Variants in USP24 observed in about 807,000 individuals in gnomAD.
The protein encoded by USP24 is ubiquitin carboxyl-terminal hydrolase 24.
In USP24, 97 loss-of-function variants were observed where a neutral mutation model predicts 361.6. The observed-to-expected ratio is 0.27, with a 90% CI of 0.23 to 0.32. The LOEUF (loss-of-function observed/expected upper bound fraction) is 0.32, where lower values mean the gene tolerates loss of function less well. Among genes scored for constraint, USP24 ranks in the 10% least tolerant of loss-of-function variants. The pLI is 1.00. For synonymous variants in USP24, 1,098 were observed against 1,124.6 expected (o/e 0.98, Z 0.47); for missense variants, 2,353 against 3,165.6 (o/e 0.74, Z 6.16).
chr1:55,168,178 CA>C (rs1649076046), intron 5 of USP24, among the ~76,000 whole-genome samples: 1 of 152,122 alleles, frequency 6.6e-6, no homozygotes, highest in African/African-American at 2.4e-5. Flanking sequence ...AAGAAGGGAG[CA>C]ACTGGGGTCA....
At chr1:55,161,227 C>T (rs1322339014) in intron 8 of USP24, among the ~76,000 whole-genome samples, 1 of 151,728 alleles carries the variant, frequency 6.6e-6, no homozygotes, top group Non-Finnish European at 1.5e-5. Flanking sequence ...CAAAAATTAG[C>T]CGGGCATGGT....
intron 1 of USP24, among the ~76,000 whole-genome samples, chr1:55,211,385 T>C (rs1226529542): frequency 6.6e-6 from 1 of 152,162 alleles, no homozygotes; most frequent in Admixed American, 6.5e-5. Context: ...CATCCAACAA[T>C]ACTAGTGAGA....
In USP24 at chr1:55,101,645, C is replaced by T; in HGVS notation, c.5084G>A (p.Gly1695Asp). The change falls in exon 43 of 68, where the codon GGT becomes GAT. Residue 1695 changes from glycine to aspartate, a missense_variant. By Grantham distance (94) the Gly-to-Asp change is moderately conservative. Coordinates refer to ENST00000294383, the MANE Select transcript of USP24 (RefSeq NM_015306.3). Reference sequence around the variant, plus strand: ...GACTGCATTCATATAACAAGTTGCACCACCATTTCTCAGCCCCACAAACCC... The same window carrying T: ...GACTGCATTCATATAACAAGTTGCATCACCATTTCTCAGCCCCACAAACCC... Reference protein sequence around the residue: ...SSGFVGLRNGGATCYMNAVFQ... With the variant: ...SSGFVGLRNGDATCYMNAVFQ... The T allele has an allele frequency of 6.2e-7, 1 of 1,613,380 alleles. No homozygotes were observed. The highest frequency in any genetic ancestry group is 8.5e-7 in the Non-Finnish European group (1 of 1,179,688).
chr1:55,195,558 T>C (rs1430814956), intron 1 of USP24, among the ~76,000 whole-genome samples: 2 of 152,192 alleles, frequency 1.3e-5, no homozygotes, highest in Non-Finnish European at 1.5e-5. Context: ...CAATTTCTTG[T>C]TAGGAGTGTT....
intron 19 of USP24, 142 bp downstream of exon 19, chr1:55,146,787 A>AT: frequency 3.4e-6 from 3 of 893,084 alleles, no homozygotes; most frequent in Non-Finnish European, 1.6e-6. Flanking sequence ...TATATAAAAC[A>AT]TTTTTTCAGC....
At position 55,214,986 on chromosome 1, in the gene USP24, T is replaced by C. The variant is rs755458665; in HGVS notation, c.128A>G (p.Asn43Ser). 1.3e-5 allele frequency: 19 copies of C among 1,437,510 alleles called. No individual in the cohort carries two copies. Among genetic ancestry groups the C allele is most frequent in the Non-Finnish European group, 1.6e-5 (18 of 1,091,126 alleles). 89.0% of individuals were successfully genotyped at this position (1,437,510 alleles called of 1,614,324 possible). A position where few individuals can be genotyped will look rare whatever the true frequency, so the allele number is the denominator to read the frequency against. ...DINEAVALLT[N>S]ERPGLDYGGY... is the part of the protein sequence containing the mutation. ...GCCGTAGTCGAGGCCCGGCCGCTCGTTGGTGAGCAGTGCCACGGCCTCGTT... is the reference window on the plus strand; with the variant it reads ...GCCGTAGTCGAGGCCCGGCCGCTCGCTGGTGAGCAGTGCCACGGCCTCGTT... The change falls in exon 1 of 68, where the codon AAC (asparagine) becomes AGC (serine). Residue 43 changes from asparagine to serine, a missense_variant. Physicochemically the swap from Asn to Ser is conservative, Grantham distance 46. Coordinates refer to ENST00000294383, the MANE Select transcript of USP24 (RefSeq NM_015306.3).
chr1:55,200,573 G>A (rs1644543793), intron 1 of USP24, among the ~76,000 whole-genome samples: 1 of 152,150 alleles, frequency 6.6e-6, no homozygotes, highest in Non-Finnish European at 1.5e-5. Context: ...AAAATAAAGT[G>A]TCTCAATAGC....
intron 28 of USP24, among the ~76,000 whole-genome samples, chr1:55,135,694 A>G (rs116769833): frequency 0.012 from 1,858 of 152,320 alleles, 33 homozygotes; most frequent in African/African-American, 0.042. Context: ...AAAAAGATGC[A>G]GTCACACAAA....
chr1:55,181,338 GGTAGAA>G (rs1643960087), intron 1 of USP24, among the ~76,000 whole-genome samples: 2 of 152,218 alleles, frequency 1.3e-5, no homozygotes, highest in South Asian at 4.2e-4. Context: ...ATTGGACAAG[GGTAGAA>G]GGAGGGGGTG....
At chr1:55,135,662 T>A (rs967380869) in intron 28 of USP24, among the ~76,000 whole-genome samples, 3 of 152,140 alleles carry the variant, frequency 2.0e-5, no homozygotes, top group Admixed American at 6.5e-5. Flanking sequence ...ATCTCTCTAG[T>A]AAGGTTTATG....
intron 3 of USP24, among the ~76,000 whole-genome samples, chr1:55,174,444 A>G (rs1249895263): frequency 6.6e-6 from 1 of 152,220 alleles, no homozygotes; most frequent in African/African-American, 2.4e-5. Flanking sequence ...AAAGAATTTA[A>G]TATTTTTACT....
At position 55,123,243 on chromosome 1, in the gene USP24, G is replaced by A. The variant is rs183872355; in HGVS notation, c.4276+204C>T. 4.6e-5 allele frequency among the ~76,000 whole-genome samples: 7 copies of A among 152,268 alleles called. No individual in the cohort carries two copies. The East Asian group carries it at 1.2e-3, about 25-fold the overall frequency. On this transcript the variant is annotated intron_variant, in intron 36 of 67. Transcript: ENST00000294383. ...ATACTGCTCTGGTGACAGCAACTGCGGAACCTCATATACAGAAGGTGCTCA... is the reference window on the plus strand; with the variant it reads ...ATACTGCTCTGGTGACAGCAACTGCAGAACCTCATATACAGAAGGTGCTCA...
At chr1:55,174,442 T>C (rs1389808499) in intron 3 of USP24, among the ~76,000 whole-genome samples, 1 of 152,230 alleles carries the variant, frequency 6.6e-6, no homozygotes, top group Non-Finnish European at 1.5e-5. Flanking sequence ...CAAAAGAATT[T>C]AATATTTTTA....
Position 55,100,851 on chromosome 1 carries a change from C to T in USP24, c.5259G>A (p.Glu1753=). ...CTGGGTGAAATACCTTCCAAAAATT[C>T]TCAGGTACATAGTACTGCAGCTTGC... is the stretch of plus-strand genomic sequence containing the variant. ...MESKLQYYVP[E]NFWKIFKMWN... The change falls in exon 44 of 68, where the codon GAG becomes GAA. Residue 1753 remains glutamate, a synonymous_variant. Coordinates refer to ENST00000294383, the MANE Select transcript of USP24 (RefSeq NM_015306.3). The T allele has an allele frequency of 6.2e-7, 1 of 1,604,560 alleles. No homozygotes were observed. The highest frequency in any genetic ancestry group is 8.5e-7 in the Non-Finnish European group (1 of 1,176,876).
At chr1:55,077,111 G>T in intron 62 of USP24, 124 bp downstream of exon 62, 2 of 907,542 alleles carry the variant, frequency 2.2e-6, no homozygotes, top group Non-Finnish European at 3.0e-6. Flanking sequence ...ACGAAGATTT[G>T]GTCTCAATAA....
At chr1:55,113,939 G>C (rs557901) in intron 38 of USP24, among the ~76,000 whole-genome samples, 99,406 of 152,026 alleles carry the variant, frequency 0.65, 35,781 homozygotes, top group East Asian at 0.91. Flanking sequence ...AGAAATAAAG[G>C]GTATTCAGAT....
At chr1:55,098,105 A>G in intron 46 of USP24, 21 bp from the exon 47 acceptor site, 1 of 1,574,948 alleles carries the variant, frequency 6.3e-7, no homozygotes, top group Non-Finnish European at 8.6e-7. Context: ...AATAACAGAA[A>G]ACCCACAATC....
intron 39 of USP24, among the ~76,000 whole-genome samples, chr1:55,107,663 GA>G (rs1482424481): frequency 2.0e-5 from 3 of 151,868 alleles, no homozygotes; most frequent in African/African-American, 7.2e-5. Flanking sequence ...CCAGCATGGT[GA>G]AACCCCATCT....
At chr1:55,163,849 G>A (rs548119010) in intron 7 of USP24, among the ~76,000 whole-genome samples, 24 of 151,960 alleles carry the variant, frequency 1.6e-4, no homozygotes, top group South Asian at 8.3e-4. Flanking sequence ...TTTCATATAC[G>A]TGAGCTCTGC....
Sources: gnomAD v4.1 joint callset for allele counts (sites outside exome capture counted in the v4.1 genomes callset) on GRCh38, gnomAD v4.1.1 for gene constraint, MANE v1.5 for transcripts, NCBI Gene and HGNC (gene_info 2026-07-23, HGNC 2026-07-21) for gene names.